CENPK: variants seen among roughly 807,000 people sequenced by gnomAD.
The protein encoded by CENPK is SoxLZ/Sox6-binding protein Solt.
Under a neutral mutation model 40.9 loss-of-function variants are expected in CENPK, and 46 were observed. That is an observed-to-expected ratio of 1.13 (90% CI 0.89 to 1.44). CENPK has a LOEUF of 1.44. Ranked by LOEUF, CENPK falls within the 40% of genes most tolerant of loss-of-function variation. The probability of loss-of-function intolerance (pLI) is 0.00; values close to 1 mark genes in which losing one functional copy is unlikely to be tolerated. For synonymous variants in CENPK, 107 were observed against 104.4 expected (o/e 1.02, Z -0.15); for missense variants, 288 against 303.5 (o/e 0.95, Z 0.38).
chr5:65,514,263 G>T (rs7725659), downstream of CENPK, among the ~76,000 whole-genome samples: 2,012 of 27,288 alleles, frequency 0.074, 71 homozygotes, highest in African/African-American at 0.1. Flanking sequence ...TTTTTTTTTA[G>T]TTTTTTTTAG....
chr5:65,496,986 G>A, the CENPK span, among the ~76,000 whole-genome samples: 1 of 152,088 alleles, frequency 6.6e-6, no homozygotes, highest in Non-Finnish European at 1.5e-5. Flanking sequence ...AACCCATGAG[G>A]CGGAGCATTG....
intron 4 of CENPK, 96 bp from the exon 5 acceptor site, chr5:65,551,732 G>A (rs150206986): frequency 0.012 from 7,323 of 605,320 alleles, 78 homozygotes; most frequent in Non-Finnish European, 0.012. Flanking sequence ...AACTTTGCAG[G>A]GGGGTGGCAT....
intron 6 of CENPK, 184 bp from the exon 7 acceptor site, chr5:65,529,383 G>A: frequency 2.1e-6 from 1 of 482,608 alleles, no homozygotes; most frequent in Non-Finnish European, 3.6e-6. Context: ...AATATTCTAT[G>A]GTTAAATTAA....
chr5:65,539,703 C>T (rs550860611), intron 6 of CENPK, among the ~76,000 whole-genome samples: 6 of 152,338 alleles, frequency 3.9e-5, no homozygotes, highest in African/African-American at 1.4e-4. Context: ...CTCACAGTAT[C>T]GCTGTGCCTG....
chr5:65,498,867 G>A, the CENPK span, among the ~76,000 whole-genome samples: 1 of 151,812 alleles, frequency 6.6e-6, no homozygotes, highest in Non-Finnish European at 1.5e-5. Flanking sequence ...TGCCCAGACT[G>A]GTCTTGAGAA....
At chr5:65,516,925 C>T (rs1295338336), downstream of CENPK, among the ~76,000 whole-genome samples, 1 of 152,012 alleles carries the variant, frequency 6.6e-6, no homozygotes, top group African/African-American at 2.4e-5. Context: ...TATTGGTAGG[C>T]ATTGCAAGCA....
downstream of CENPK, among the ~76,000 whole-genome samples, chr5:65,515,327 C>T (rs1357012986): frequency 6.6e-6 from 1 of 151,898 alleles, no homozygotes; most frequent in Non-Finnish European, 1.5e-5. Context: ...CTCAGCCTCC[C>T]AAGTAGCTGG....
intron 6 of CENPK, among the ~76,000 whole-genome samples, chr5:65,539,798 C>G (rs947864266): frequency 3.3e-5 from 5 of 152,228 alleles, no homozygotes; most frequent in African/African-American, 9.6e-5. Flanking sequence ...TGGAACCAGC[C>G]ATTTCCCCTG....
the CENPK span, among the ~76,000 whole-genome samples, chr5:65,500,501 C>T: frequency 6.6e-6 from 1 of 150,730 alleles, no homozygotes; most frequent in Non-Finnish European, 1.5e-5. Context: ...CCTTCGCCCA[C>T]TTTTTGATGG....
At chr5:65,527,788 A>AT (rs1411586068) in intron 9 of CENPK, among the ~76,000 whole-genome samples, 1 of 152,034 alleles carries the variant, frequency 6.6e-6, no homozygotes, top group Non-Finnish European at 1.5e-5. Context: ...AGCACTATCA[A>AT]TTTTTAAACA....
intron 9 of CENPK, among the ~76,000 whole-genome samples, chr5:65,527,161 G>A (rs2150365394): frequency 6.6e-6 from 1 of 152,022 alleles, no homozygotes; most frequent in African/African-American, 2.4e-5. Flanking sequence ...TTCATAATAT[G>A]TTTCACTCAA....
rs543550544 is a variant in CENPK at position 65,552,038 on chromosome 5, C to T, written c.169-402G>A. Among the ~76,000 whole-genome samples the T allele has an allele frequency of 8.9e-4, 134 of 150,278 alleles. 1 individual carries two copies. The highest frequency in any genetic ancestry group is 3.5e-3 in the Middle Eastern group (1 of 288). On this transcript the variant is annotated intron_variant, in intron 4 of 10. Coordinates refer to ENST00000396679, the MANE Select transcript of CENPK (RefSeq NM_022145.5). Reference sequence around the variant, plus strand: ...ATAATGGCACAATCTCAGCTCACTGCGGCCTCCATCTACTGGGTTCAAGTG... The same window carrying T: ...ATAATGGCACAATCTCAGCTCACTGTGGCCTCCATCTACTGGGTTCAAGTG...
chr5:65,541,965 T>C (rs1031565084), intron 6 of CENPK, among the ~76,000 whole-genome samples: 1 of 152,232 alleles, frequency 6.6e-6, no homozygotes, highest in Non-Finnish European at 1.5e-5. Flanking sequence ...AGATTCAATG[T>C]CTACTGAGGG....
At chr5:65,529,069 T>C (rs1287331216) in intron 7 of CENPK, 48 bp downstream of exon 7, 13 of 1,538,314 alleles carry the variant, frequency 8.5e-6, no homozygotes, top group African/African-American at 1.4e-5. Flanking sequence ...ACTTTAAATG[T>C]CACTTAATAT....
intron 6 of CENPK, among the ~76,000 whole-genome samples, chr5:65,540,851 A>T (rs1207412304): frequency 6.9e-6 from 1 of 145,028 alleles, no homozygotes; most frequent in African/African-American, 2.6e-5. Context: ...TCTGCTGCCC[A>T]GGCTGGAAGG....
chr5:65,515,720 C>T (rs1742810892), downstream of CENPK, among the ~76,000 whole-genome samples: 2 of 152,066 alleles, frequency 1.3e-5, no homozygotes, highest in South Asian at 4.2e-4. Flanking sequence ...AGTTAATTAC[C>T]CTTTTATCAC....
intron 8 of CENPK, 54 bp downstream of exon 8, chr5:65,528,865 A>C: frequency 8.6e-7 from 1 of 1,162,500 alleles, no homozygotes; most frequent in Non-Finnish European, 1.2e-6. Context: ...TTCATGTAAC[A>C]CAAAAAATAA....
At chr5:65,518,765 T>G (rs706657) in intron 10 of CENPK, 132 bp from the exon 11 acceptor site, 232,343 of 578,236 alleles carry the variant, frequency 0.4, 48,617 homozygotes, top group East Asian at 0.66. Flanking sequence ...ATCTACAAAT[T>G]TGAATTTCCT....
chr5:65,512,005 G>A, the CENPK span, among the ~76,000 whole-genome samples: 1 of 152,176 alleles, frequency 6.6e-6, no homozygotes, highest in Admixed American at 6.5e-5. Flanking sequence ...AACATTAACA[G>A]GAGTGTGCAA....
Sources: allele counts gnomAD v4.1 joint callset (sites outside exome capture counted in the v4.1 genomes callset), GRCh38; gene constraint gnomAD v4.1.1; transcripts MANE v1.5; gene names NCBI Gene and HGNC (gene_info 2026-07-23, HGNC 2026-07-21).